The following NCOA4 variants were observed in gnomAD, a reference collection of about 807,000 sequenced individuals.
NCOA4 encodes the protein 70 kDa AR-activator.
A neutral mutation model predicts 69.5 loss-of-function variants in NCOA4; 31 were observed. The ratio of observed to expected loss-of-function variants is 0.45; its 90% CI spans 0.34 to 0.60. The LOEUF (loss-of-function observed/expected upper bound fraction) is 0.60, where lower values mean the gene tolerates loss of function less well. NCOA4 is among the 20% of genes least tolerant of loss of function. The pLI, the probability that NCOA4 is intolerant of heterozygous loss-of-function variation, is 0.02. For missense variants in NCOA4, 600 were observed against 719.2 expected (o/e 0.83, Z 1.90); for synonymous variants, 228 against 252.4 (o/e 0.90, Z 0.92).
At chr10:46,023,637 G>A (rs564943245) in intron 1 of NCOA4, among the ~76,000 whole-genome samples, 2 of 152,374 alleles carry the variant, frequency 1.3e-5, no homozygotes, top group South Asian at 4.1e-4. Flanking sequence ...CCCAGGGTAA[G>A]GCCAGCTAGA....
chr10:46,014,630 T>C, intron 4 of NCOA4, 78 bp from the exon 5 acceptor site: 2 of 1,071,526 alleles, frequency 1.9e-6, no homozygotes, highest in Non-Finnish European at 2.8e-6. Context: ...AAAGCCAAAT[T>C]GTGAGTAATT....
At chr10:46,012,147 A>C (rs1348008496) in intron 7 of NCOA4, among the ~76,000 whole-genome samples, 3 of 146,922 alleles carry the variant, frequency 2.0e-5, no homozygotes, top group Non-Finnish European at 3.0e-5. Context: ...GGAAGAAAAA[A>C]CAAAAGCAAA....
intron 1 of NCOA4, among the ~76,000 whole-genome samples, chr10:46,029,033 A>AT (rs1840312099): frequency 1.4e-5 from 2 of 145,828 alleles, no homozygotes; most frequent in South Asian, 2.1e-4. Flanking sequence ...TACTGATTTA[A>AT]TAAAAAAAAA....
chr10:46,013,685 CA>C, intron 5 of NCOA4, 46 bp from the exon 6 acceptor site: 6 of 1,348,088 alleles, frequency 4.5e-6, no homozygotes, highest in Middle Eastern at 1.8e-4. Flanking sequence ...GCTATGCTGC[CA>C]AAAAAGTGAA....
chr10:46,022,377 T>A (rs782547449), intron 1 of NCOA4: 7 of 447,376 alleles, frequency 1.6e-5, no homozygotes, highest in Middle Eastern at 3.4e-4. Context: ...TTTAAAAAAA[T>A]TATGTTAAAA....
In NCOA4 at chr10:46,013,648, T is replaced by C. The variant is rs1161882083; in HGVS notation, c.481-9A>G. On this transcript the variant is annotated splice_polypyrimidine_tract_variant and intron_variant, in intron 5 of 9. Coordinates refer to ENST00000581486, the MANE Select transcript of NCOA4 (RefSeq NM_001145263.2). ...AAGTGCTCAGGAATTTGCTACAAAA[T>C]AGAGATAATTTAATCATGTTATTTA... 2 of 1,582,164 alleles carry C rather than the reference T, an allele frequency of 1.3e-6. No individual in the cohort carries two copies. The highest frequency in any genetic ancestry group is 2.7e-5 in the African/African-American group (2 of 73,912).
chr10:46,022,761 G>A (rs1554924753), intron 1 of NCOA4, among the ~76,000 whole-genome samples: 1 of 152,056 alleles, frequency 6.6e-6, no homozygotes, highest in African/African-American at 2.4e-5. Flanking sequence ...CACCGCGCCC[G>A]GCCTAAAGGT....
At chr10:46,027,715 A>G (rs1213270906) in intron 1 of NCOA4, among the ~76,000 whole-genome samples, 8 of 152,214 alleles carry the variant, frequency 5.3e-5, no homozygotes, top group African/African-American at 1.9e-4. Flanking sequence ...TTTGCAACCT[A>G]ACCAGTATGT....
rs782302694 is a variant in NCOA4, at chr10:46,022,517, G to A, written c.-14-5823C>T. The A allele has an allele frequency of 1.3e-5, 6 of 448,720 alleles. No individual in the cohort carries two copies. In the East Asian group the frequency reaches 4.2e-4, roughly 31 times the overall value. The allele number at this position is 448,720 out of a possible 1,614,324, so 27.8% of individuals were successfully genotyped here. A position where few individuals can be genotyped will look rare whatever the true frequency, so the allele number is the denominator to read the frequency against. On this transcript the variant is annotated intron_variant, in intron 1 of 9. Transcript: ENST00000581486. ...GTCTAGCTCTGCCGCCCAGGCTGGA[G>A]TGCAGTGGCGCGATCTCACTGCAAG...
At chr10:46,011,425 G>C (rs1161110942) in intron 7 of NCOA4, among the ~76,000 whole-genome samples, 1 of 132,564 alleles carries the variant, frequency 7.5e-6, no homozygotes, top group Non-Finnish European at 1.6e-5. Context: ...CCACCACCAC[G>C]CCCAGCTAAT....
chr10:46,019,263 T>C (rs1839733039), intron 1 of NCOA4: 2 of 936,144 alleles, frequency 2.1e-6, no homozygotes, highest in Non-Finnish European at 2.5e-6. Context: ...ATAAGCTGCC[T>C]GTGTTAGGCA....
intron 1 of NCOA4, among the ~76,000 whole-genome samples, chr10:46,030,054 T>C (rs1435357684): frequency 6.6e-6 from 1 of 152,218 alleles, no homozygotes; most frequent in African/African-American, 2.4e-5. Flanking sequence ...CCTGACAAGC[T>C]AGAAATGGAT....
intron 1 of NCOA4, among the ~76,000 whole-genome samples, chr10:46,028,347 G>A (rs1478249484): frequency 6.6e-6 from 1 of 152,092 alleles, no homozygotes; most frequent in Non-Finnish European, 1.5e-5. Context: ...AAACATACTA[G>A]AAGGTAAGTT....
intron 2 of NCOA4, among the ~76,000 whole-genome samples, chr10:46,016,016 T>G (rs1360582641): frequency 1.3e-5 from 2 of 152,206 alleles, no homozygotes; most frequent in African/African-American, 4.8e-5. Context: ...TTAATAAAGT[T>G]GTGTTTCAAA....
At chr10:46,021,413 G>A (rs545745826) in intron 1 of NCOA4, among the ~76,000 whole-genome samples, 82 of 152,334 alleles carry the variant, frequency 5.4e-4, no homozygotes, top group African/African-American at 1.7e-3. Flanking sequence ...ACAGCCAGAA[G>A]GGGTAAGATT....
chr10:46,014,863 C>G lies in NCOA4; in HGVS notation c.362G>C (p.Cys121Ser), dbSNP rs1554922694. Reference sequence around the variant, plus strand: ...CAAAAAGGGTCATTACCTCTCCAGGCACACAGAGACTTGATTGGCTAGATC... The same window carrying G: ...CAAAAAGGGTCATTACCTCTCCAGGGACACAGAGACTTGATTGGCTAGATC... ...NKDLANQVSV[C>S]LERLGSLTLK... Residue 121 changes from cysteine to serine, a missense_variant, in exon 4 of 10, where the codon TGC (cysteine) becomes TCC (serine). Transcript: ENST00000581486. 1 of 1,613,792 alleles carries G rather than the reference C, an allele frequency of 6.2e-7. No homozygotes were observed.
intron 8 of NCOA4, 108 bp downstream of exon 8, chr10:46,010,115 C>T (rs368635333): frequency 2.2e-6 from 3 of 1,357,090 alleles, no homozygotes; most frequent in East Asian, 2.5e-5. Context: ...TTGCAATGAG[C>T]TGAGATCGCA....
In NCOA4 at chr10:46,009,434, A is replaced by G. The variant is rs781865885; in HGVS notation, c.1816T>C (p.Trp606Arg). 5 of 1,613,108 alleles carry G rather than the reference A, an allele frequency of 3.1e-6. 1 individual carries two copies. In the South Asian group the frequency reaches 4.4e-5, roughly 14 times the overall value. ...ACCTGTAGAGGAGTTCGATATAACC[A>G]CTTCTCTTTATCAACTTTAAGCTGC... Reference protein sequence around the residue: ...CMQLKVDKEKWLYRTPLQM With the variant: ...CMQLKVDKEKRLYRTPLQM The change falls in exon 9 of 10, where the codon TGG (tryptophan) becomes CGG (arginine). Residue 606 changes from tryptophan to arginine, a missense_variant. Coordinates refer to ENST00000581486, the MANE Select transcript of NCOA4 (RefSeq NM_001145263.2).
At chr10:46,029,034 T>TAAA (rs1241509592) in intron 1 of NCOA4, among the ~76,000 whole-genome samples, 9 of 90,754 alleles carry the variant, frequency 9.9e-5, no homozygotes, top group African/African-American at 3.1e-4. Context: ...ACTGATTTAA[T>TAAA]AAAAAAAAAA....
Sources: gnomAD v4.1 joint callset for allele counts (sites outside exome capture counted in the v4.1 genomes callset) on GRCh38, gnomAD v4.1.1 for gene constraint, MANE v1.5 for transcripts, NCBI Gene and HGNC (gene_info 2026-07-23, HGNC 2026-07-21) for gene names.